The following CREB5 variants were observed in gnomAD, a reference collection of about 807,000 sequenced individuals.
CREB5 encodes cAMP responsive element binding protein 5, also known as cyclic AMP-responsive element-binding protein 5.
CREB5 carries 19 observed loss-of-function variants against 57.1 expected under a neutral mutation model. The ratio of observed to expected loss-of-function variants is 0.33; its 90% CI spans 0.23 to 0.49. The LOEUF (loss-of-function observed/expected upper bound fraction) is 0.49, where lower values mean the gene tolerates loss of function less well. Among genes scored for constraint, CREB5 ranks in the 20% least tolerant of loss-of-function variants. The pLI, the probability that CREB5 is intolerant of heterozygous loss-of-function variation, is 0.99. For synonymous variants in CREB5, 238 were observed against 238.3 expected (o/e 1.00, Z 0.01); for missense variants, 579 against 671.6 (o/e 0.86, Z 1.52).
At chr7:28,428,946 C>G (rs1391402123) in intron 1 of CREB5, among the ~76,000 whole-genome samples, 1 of 152,192 alleles carries the variant, frequency 6.6e-6, no homozygotes, top group Non-Finnish European at 1.5e-5. Context: ...CCGGGTTTCC[C>G]AATCTCAATA....
chr7:28,738,152 CT>C (rs1395165779), intron 7 of CREB5, among the ~76,000 whole-genome samples: 1 of 152,160 alleles, frequency 6.6e-6, no homozygotes, highest in Admixed American at 6.5e-5. Flanking sequence ...TTTACTATGT[CT>C]GTGCAAATTA....
chr7:28,413,307 T>G (rs1247411585), intron 1 of CREB5, among the ~76,000 whole-genome samples: 2 of 151,770 alleles, frequency 1.3e-5, no homozygotes, highest in African/African-American at 2.4e-5. Context: ...AACCTAAAAA[T>G]TAAAAAAAAA....
intron 8 of CREB5, 34 bp downstream of exon 8, chr7:28,804,556 A>C (rs773636237): frequency 4.4e-6 from 7 of 1,604,512 alleles, no homozygotes; most frequent in Non-Finnish European, 6.0e-6. Context: ...TCCCCTTCTT[A>C]TTCTCCTTCT....
At chr7:28,615,249 G>T (rs560394554) in intron 5 of CREB5, 1 of 152,232 alleles carries the variant, frequency 6.6e-6, no homozygotes, top group African/African-American at 2.4e-5. Context: ...CTTGGAGACC[G>T]CATCAGAGGT....
intron 5 of CREB5, among the ~76,000 whole-genome samples, chr7:28,604,952 CTA>C (rs1023487545): frequency 1.3e-5 from 2 of 151,988 alleles, no homozygotes; most frequent in Non-Finnish European, 2.9e-5. Context: ...CTTCCAGTCA[CTA>C]TGTGACAGCA....
At chr7:28,588,942 A>G (rs1422268673) in intron 5 of CREB5, among the ~76,000 whole-genome samples, 10 of 152,184 alleles carry the variant, frequency 6.6e-5, no homozygotes, top group Non-Finnish European at 1.5e-4. Context: ...TCTTCCCAGC[A>G]ACGTAGCTCC....
At chr7:28,797,960 G>GA (rs59850606) in intron 7 of CREB5, among the ~76,000 whole-genome samples, 120,159 of 149,214 alleles carry the variant, frequency 0.81, 49,298 homozygotes, top group African/African-American at 0.9. Context: ...TTTGGAAAGT[G>GA]AAAAAAAAAA....
intron 5 of CREB5, among the ~76,000 whole-genome samples, chr7:28,706,390 T>C (rs1252825515): frequency 6.6e-6 from 1 of 152,114 alleles, no homozygotes; most frequent in Non-Finnish European, 1.5e-5. Context: ...ACTTTTGCCC[T>C]TTAGGATGTA....
chr7:28,532,479 C>T (rs978763041), intron 4 of CREB5, among the ~76,000 whole-genome samples: 6 of 152,204 alleles, frequency 3.9e-5, no homozygotes, highest in African/African-American at 1.4e-4. Context: ...CCTGGCACCC[C>T]AACCCTGGAA....
chr7:28,445,129 T>A (rs995755692), intron 1 of CREB5, among the ~76,000 whole-genome samples: 2 of 152,222 alleles, frequency 1.3e-5, no homozygotes, highest in Non-Finnish European at 2.9e-5. Flanking sequence ...TACTCTCTTG[T>A]AAGACGTTCC....
intron 1 of CREB5, among the ~76,000 whole-genome samples, chr7:28,327,848 A>G (rs774313988): frequency 1.3e-5 from 2 of 152,236 alleles, no homozygotes; most frequent in Admixed American, 6.5e-5. Context: ...GTGGCAGATA[A>G]GATGGCTTCT....
intron 9 of CREB5, among the ~76,000 whole-genome samples, chr7:28,814,350 A>G (rs1809297365): frequency 6.6e-6 from 1 of 152,180 alleles, no homozygotes; most frequent in African/African-American, 2.4e-5. Context: ...TCTTAAGCCA[A>G]AGGCCCCTTA....
At chr7:28,566,240 C>T (rs377032860) in intron 4 of CREB5, among the ~76,000 whole-genome samples, 9 of 152,254 alleles carry the variant, frequency 5.9e-5, no homozygotes, top group African/African-American at 1.9e-4. Flanking sequence ...CCAGATCATA[C>T]AGTTGGCTCA....
chr7:28,459,336 G>T (rs1166867920), intron 1 of CREB5, among the ~76,000 whole-genome samples: 1 of 152,100 alleles, frequency 6.6e-6, no homozygotes, highest in Non-Finnish European at 1.5e-5. Context: ...TTTTCTTCTG[G>T]GTTGGAAGAG....
At chr7:28,418,923 A>G (rs1488024576) in intron 1 of CREB5, among the ~76,000 whole-genome samples, 1 of 152,208 alleles carries the variant, frequency 6.6e-6, no homozygotes, top group Non-Finnish European at 1.5e-5. Context: ...CTTTGTATTT[A>G]TAAATAACAT....
intron 1 of CREB5, among the ~76,000 whole-genome samples, chr7:28,348,535 G>T (rs1786122128): frequency 6.6e-6 from 1 of 152,018 alleles, no homozygotes; most frequent in Non-Finnish European, 1.5e-5. Flanking sequence ...ATGCTTGGAA[G>T]CTATTATTAT....
intron 7 of CREB5, among the ~76,000 whole-genome samples, chr7:28,726,077 C>A (rs1444049844): frequency 6.6e-6 from 1 of 152,088 alleles, no homozygotes; most frequent in Non-Finnish European, 1.5e-5. Flanking sequence ...CAGTTGGAAA[C>A]AAAGGGAACT....
intron 5 of CREB5, among the ~76,000 whole-genome samples, chr7:28,655,909 A>G (rs1180919522): frequency 1.3e-5 from 2 of 152,170 alleles, no homozygotes; most frequent in Admixed American, 1.3e-4. Flanking sequence ...CAGAGACTAT[A>G]ACAGGAATAA....
At chr7:28,660,416 A>T (rs568697827) in intron 5 of CREB5, among the ~76,000 whole-genome samples, 1 of 126,118 alleles carries the variant, frequency 7.9e-6, no homozygotes, top group South Asian at 2.5e-4. Context: ...ATGTACTATG[A>T]GTTAGGCATT....
Sources: allele counts gnomAD v4.1 joint callset (sites outside exome capture counted in the v4.1 genomes callset), GRCh38; gene constraint gnomAD v4.1.1; transcripts MANE v1.5; gene names NCBI Gene and HGNC (gene_info 2026-07-23, HGNC 2026-07-21).